SAP130: variants seen among roughly 807,000 people sequenced by gnomAD.
SAP130 encodes Sin3A associated protein 130.
SAP130 carries 16 observed loss-of-function variants against 103.2 expected under a neutral mutation model. The observed-to-expected ratio is 0.16, with a 90% CI of 0.10 to 0.24. The LOEUF is 0.24. Ranked by LOEUF, SAP130 falls within the 10% of genes least tolerant of loss-of-function variation. The pLI, the probability that SAP130 is intolerant of heterozygous loss-of-function variation, is 1.00. For synonymous variants in SAP130, 477 were observed against 497.0 expected (o/e 0.96, Z 0.53); for missense variants, 990 against 1,359.7 (o/e 0.73, Z 4.28).
At position 127,955,323 on chromosome 2, in the gene SAP130, G is replaced by T; in HGVS notation, c.2085C>A (p.Ile695=). 1 of 1,571,250 alleles carries T rather than the reference G, an allele frequency of 6.4e-7. No homozygotes were observed. The highest frequency in any genetic ancestry group is 8.7e-7 in the Non-Finnish European group (1 of 1,153,444). The change falls in exon 16 of 21, where the codon ATC becomes ATA. Residue 695 remains isoleucine, a synonymous_variant. Transcript: ENST00000643581. This position sits in a 1 kb window ranked among gnomAD's most constrained non-coding sequence, Gnocchi z 4.9. ...RPAGAKPKSE[I]HVSMATPVTV... is the part of the protein sequence containing the mutation. The stretch of plus-strand genomic sequence containing the variant: ...TGACCGGAGTGGCCATAGACACGTG[G>T]ATTTCAGACTTGGGTTTGGCACTAA...
intron 15 of SAP130, among the ~76,000 whole-genome samples, chr2:127,972,748 A>C (rs550526254): frequency 1.5e-4 from 23 of 152,024 alleles, no homozygotes; most frequent in Non-Finnish European, 3.4e-4. Context: ...ACAGAGTGAG[A>C]TTCTGTCTAA....
intron 15 of SAP130, among the ~76,000 whole-genome samples, chr2:127,968,293 T>C (rs1559051300): frequency 6.6e-6 from 1 of 151,848 alleles, no homozygotes; most frequent in Non-Finnish European, 1.5e-5. Context: ...GTATTTTTAG[T>C]AGAGACAGGG....
At chr2:127,963,006 T>TG (rs1553503816) in intron 15 of SAP130, among the ~76,000 whole-genome samples, 3 of 117,670 alleles carry the variant, frequency 2.5e-5, no homozygotes, top group Admixed American at 8.2e-5. Context: ...TATAAATGTC[T>TG]GAAAAAAAAA....
intron 18 of SAP130, among the ~76,000 whole-genome samples, chr2:127,948,515 T>A (rs1467420905): frequency 6.6e-6 from 1 of 151,678 alleles, no homozygotes; most frequent in Non-Finnish European, 1.5e-5. Flanking sequence ...AATTTTTTTG[T>A]GTTTTTAGTA....
intron 7 of SAP130, among the ~76,000 whole-genome samples, chr2:128,006,828 T>G (rs1365296111): frequency 6.6e-6 from 1 of 152,246 alleles, no homozygotes; most frequent in Non-Finnish European, 1.5e-5. Flanking sequence ...TTGTGAGAGA[T>G]AGTGCTTAAA....
intron 15 of SAP130, among the ~76,000 whole-genome samples, chr2:127,967,023 A>G (rs1680706448): frequency 6.6e-6 from 1 of 152,222 alleles, no homozygotes; most frequent in Admixed American, 6.5e-5. Context: ...GGCCTATATC[A>G]ATATCAGAGA....
At chr2:127,991,651 A>T (rs1303701012) in intron 12 of SAP130, among the ~76,000 whole-genome samples, 1 of 152,062 alleles carries the variant, frequency 6.6e-6, no homozygotes, top group Non-Finnish European at 1.5e-5. Flanking sequence ...TTAACAAGAT[A>T]TTTTACATTC....
intron 2 of SAP130, among the ~76,000 whole-genome samples, chr2:128,019,694 T>C (rs1685022781): frequency 6.6e-6 from 1 of 152,202 alleles, no homozygotes; most frequent in South Asian, 2.1e-4. Flanking sequence ...GAGATCAGCC[T>C]GTCCAACATG....
rs948989690 is a variant in SAP130, at chr2:128,028,043, C to T, written c.-110G>A. The T allele has an allele frequency of 3.2e-6, 3 of 934,194 alleles. No individual in the cohort carries two copies. Among genetic ancestry groups the T allele is most frequent in the East Asian group, 1.2e-4 (1 of 8,544 alleles). The allele number at this position is 934,194 out of a possible 1,614,324, so 57.9% of individuals were successfully genotyped here. A position where few individuals can be genotyped will look rare whatever the true frequency, so the allele number is the denominator to read the frequency against. On this transcript the variant is annotated 5_prime_UTR_variant, in exon 1 of 21. Transcript: ENST00000643581. The stretch of plus-strand genomic sequence containing the variant: ...CAGGCTCCGGACCCGCAGCCACCGC[C>T]GGGGAGCTAGCACTCTGCCCCCCAC...
chr2:127,977,335 CAAA>C (rs36038328), intron 15 of SAP130, among the ~76,000 whole-genome samples: 1 of 111,760 alleles, frequency 8.9e-6, no homozygotes, highest in South Asian at 3.1e-4. Context: ...ACTTAAAATA[CAAA>C]AAAAAAAAAA....
At chr2:127,970,246 A>C (rs1321916180) in intron 15 of SAP130, among the ~76,000 whole-genome samples, 1 of 147,760 alleles carries the variant, frequency 6.8e-6, no homozygotes, top group African/African-American at 2.5e-5. Context: ...AAAAATTTTA[A>C]ATTAGCTGGG....
At position 127,941,794 on chromosome 2, in the gene SAP130, G is replaced by T; in HGVS notation, c.*212C>A. ...TATGACACAGATCAGGTTTAACAGG[G>T]GTGCACCCGAACGCAAGAAGGCAGC... On this transcript the variant is annotated 3_prime_UTR_variant, in exon 21 of 21. Coordinates refer to ENST00000643581, the MANE Select transcript of SAP130 (RefSeq NM_001330301.2). 1.8e-6 allele frequency: 1 copy of T among 556,772 alleles called. No homozygotes were observed. The highest frequency in any genetic ancestry group is 3.1e-6 in the Non-Finnish European group (1 of 318,914). The allele number at this position is 556,772 out of a possible 1,614,324, so 34.5% of individuals were successfully genotyped here. A position where few individuals can be genotyped will look rare whatever the true frequency, so the allele number is the denominator to read the frequency against.
chr2:127,947,095 G>A (rs1040159860), intron 18 of SAP130, among the ~76,000 whole-genome samples: 8 of 151,558 alleles, frequency 5.3e-5, no homozygotes, highest in Non-Finnish European at 1.0e-4. Flanking sequence ...TGAAGATGGA[G>A]GCAGGGACTG....
chr2:127,960,993 CTTTT>C (rs772565129), intron 15 of SAP130, among the ~76,000 whole-genome samples: 9 of 137,248 alleles, frequency 6.6e-5, no homozygotes, highest in African/African-American at 2.1e-4. Flanking sequence ...TTCTTTCTTT[CTTTT>C]TTTTTTTTTT....
chr2:127,999,408 C>T (rs1462086157), intron 10 of SAP130, among the ~76,000 whole-genome samples: 43 of 152,040 alleles, frequency 2.8e-4, no homozygotes, highest in Non-Finnish European at 1.0e-4. Context: ...TCAAGACCAG[C>T]CTGGCCAACG....
At chr2:127,964,494 C>CAA (rs55755397) in intron 15 of SAP130, among the ~76,000 whole-genome samples, 56 of 69,858 alleles carry the variant, frequency 8.0e-4, no homozygotes, top group African/African-American at 2.0e-3. Context: ...AACTCCATCT[C>CAA]AAAAAAAAAA....
At position 127,941,728 on chromosome 2, in the gene SAP130, A is replaced by C; in HGVS notation, c.*278T>G. 4.8e-6 allele frequency: 2 copies of C among 420,942 alleles called. No homozygotes were observed. The highest frequency in any genetic ancestry group is 8.4e-6 in the Non-Finnish European group (2 of 238,900). The allele number at this position is 420,942 out of a possible 1,614,324, so 26.1% of individuals were successfully genotyped here. ...AAAACACCAGCCAGCCATCCTTGTC[A>C]TTGCTTCCAACTGGTGGACACTGAT... On this transcript the variant is annotated 3_prime_UTR_variant, in exon 21 of 21. Transcript: ENST00000643581.
intron 12 of SAP130, among the ~76,000 whole-genome samples, chr2:127,991,972 T>G (rs1444202809): frequency 1.3e-5 from 2 of 152,158 alleles, no homozygotes; most frequent in African/African-American, 4.8e-5. Flanking sequence ...CACTTTCTTT[T>G]GTCTTTTTTG....
rs147729082 is a variant in SAP130 at position 127,986,507 on chromosome 2, A to G, written c.1958+278T>C. 6.6e-6 allele frequency among the ~76,000 whole-genome samples: 1 copy of G among 152,354 alleles called. No homozygotes were observed. The highest frequency in any genetic ancestry group is 1.5e-5 in the Non-Finnish European group (1 of 68,036). ...ACTTATAAACTACTTTAAAAGTTCT[A>G]TGATTGAAGTTCCAGAACTAGAGAG... is the stretch of plus-strand genomic sequence containing the variant. On this transcript the variant is annotated intron_variant, in intron 14 of 20. Transcript: ENST00000643581. This position sits in a 1 kb window ranked among gnomAD's most constrained non-coding sequence, Gnocchi z 4.7.
Sources: allele counts gnomAD v4.1 joint callset (sites outside exome capture counted in the v4.1 genomes callset), GRCh38; gene constraint gnomAD v4.1.1; non-coding constraint Gnocchi (gnomAD v3.1); transcripts MANE v1.5; gene names NCBI Gene and HGNC (gene_info 2026-07-23, HGNC 2026-07-21).